Variants in PC observed in about 807,000 individuals in gnomAD.
PC encodes the protein pyruvate carboxylase, mitochondrial.
PC carries 46 observed loss-of-function variants against 107.8 expected under a neutral mutation model. That is an observed-to-expected ratio of 0.43 (90% CI 0.34 to 0.55). The LOEUF (loss-of-function observed/expected upper bound fraction) is 0.55, where lower values mean the gene tolerates loss of function less well. PC is among the 20% of genes least tolerant of loss of function. The pLI is 0.04. For missense variants in PC, 1,241 were observed against 1,643.1 expected, an observed-to-expected ratio of 0.76 and a Z score of 4.23; for synonymous variants, 662 against 684.7, an observed-to-expected ratio of 0.97 and a Z score of 0.52.
chr11:66,924,203 G>GAAAAA (rs538266818), intron 3 of PC, among the ~76,000 whole-genome samples: 3 of 82,958 alleles, frequency 3.6e-5, no homozygotes, highest in African/African-American at 9.1e-5. Flanking sequence ...CTCTATCTCA[G>GAAAAA]AAAAAAAAAA....
intron 3 of PC, among the ~76,000 whole-genome samples, chr11:66,901,171 T>C (rs1296668316): frequency 2.6e-5 from 4 of 152,164 alleles, no homozygotes; most frequent in African/African-American, 9.7e-5. Context: ...GGCTACCTGG[T>C]TGGCGGCCTC....
intron 3 of PC, among the ~76,000 whole-genome samples, chr11:66,947,099 A>G (rs1949317024): frequency 6.6e-6 from 1 of 152,136 alleles, no homozygotes; most frequent in African/African-American, 2.4e-5. Context: ...TTAAACATAC[A>G]TACAGCTACC....
At chr11:66,855,408 T>C (rs1403409381) in intron 12 of PC, among the ~76,000 whole-genome samples, 1 of 152,176 alleles carries the variant, frequency 6.6e-6, no homozygotes, top group Non-Finnish European at 1.5e-5. Context: ...TGTGGCTCCC[T>C]GGTTAATGCG....
At position 66,849,247 on chromosome 11, in the gene PC, C is replaced by T. The variant is rs777830995; in HGVS notation, c.3271G>A (p.Asp1091Asn). ...GACAATACCTTCATGGCCTGGGTGT[C>T]CTTGACCAAGATGGACCGCAGCTGC... ...NGQLRSILVKDTQAMKEMHFH... is the reference protein window; with the variant it reads ...NGQLRSILVKNTQAMKEMHFH... Residue 1091 changes from aspartate to asparagine, a missense_variant, in exon 22 of 23, where the codon GAC becomes AAC. Physicochemically the swap from Asp to Asn is conservative, Grantham distance 23 (BLOSUM62 1). Transcript: ENST00000393960. 6.2e-7 allele frequency: 1 copy of T among 1,613,736 alleles called. No individual in the cohort carries two copies. Among genetic ancestry groups the T allele is most frequent in the Non-Finnish European group, 8.5e-7 (1 of 1,180,036 alleles).
At chr11:66,855,077 C>G (rs1182193833) in intron 12 of PC, among the ~76,000 whole-genome samples, 6 of 152,262 alleles carry the variant, frequency 3.9e-5, no homozygotes, top group African/African-American at 1.4e-4. Flanking sequence ...GAGCGCAGAC[C>G]CACACTGTTG....
At position 66,851,881 on chromosome 11, in the gene PC, G is replaced by T; in HGVS notation, c.1891C>A (p.Arg631=). 1 of 1,614,032 alleles carries T rather than the reference G, an allele frequency of 6.2e-7. No homozygotes were observed. Among genetic ancestry groups the T allele is most frequent in the Non-Finnish European group, 8.5e-7 (1 of 1,179,996 alleles). The change falls in exon 16 of 23, where the codon CGG becomes AGG. Residue 631 remains arginine (R), a synonymous_variant. Transcript: ENST00000393960. ...AAAGGGATGTTGGGGATGAGCTCCC[G>T]GAGCTCCTGCAGCCGCCGCCAGGGG... ...ECPWRRLQEL[R]ELIPNIPFQM... is the part of the protein sequence containing the mutation.
chr11:66,854,374 C>T (rs763076990), intron 12 of PC, among the ~76,000 whole-genome samples: 10 of 152,002 alleles, frequency 6.6e-5, no homozygotes, highest in Non-Finnish European at 2.9e-5. Flanking sequence ...CTGAGGAACC[C>T]GCTGTGGGCA....
intron 3 of PC, among the ~76,000 whole-genome samples, chr11:66,916,205 G>A (rs143425483): frequency 1.3e-3 from 199 of 152,312 alleles, no homozygotes; most frequent in Non-Finnish European, 2.3e-3. Context: ...GCCCACAGCT[G>A]TAGACAGCAA....
chr11:66,851,290 T>C lies in PC; in HGVS notation c.1983-10A>G, dbSNP rs2135804777. The C allele has an allele frequency of 6.3e-7, 1 of 1,599,816 alleles. No individual in the cohort carries two copies. The highest frequency in any genetic ancestry group is 1.1e-5 in the South Asian group (1 of 91,064). ...GGCCACTTCACAGAACCTGCAAGGG[T>C]GAGAGAGCCCAGGGCTGAGCCCCAC... On this transcript the variant is annotated splice_polypyrimidine_tract_variant and intron_variant, in intron 16 of 22. Transcript: ENST00000393960.
Position 66,945,631 on chromosome 11 carries a change from G to T in PC, c.-1+6799C>A. Among the ~76,000 whole-genome samples, 2 of 116,708 alleles carry T rather than the reference G, an allele frequency of 1.7e-5. 1 individual carries two copies. Among genetic ancestry groups the T allele is most frequent in the Non-Finnish European group, 3.8e-5 (2 of 52,556 alleles). The allele number at this position is 116,708 out of a possible 152,430, so 76.6% of individuals were successfully genotyped here. A position where few individuals can be genotyped will look rare whatever the true frequency, so the allele number is the denominator to read the frequency against. ...TTAATTATAAAGAAAATGTCATCCAGTTGAGAAAGAAAGGCCAAAAGTTAA... is the reference window on the plus strand; with the variant it reads ...TTAATTATAAAGAAAATGTCATCCATTTGAGAAAGAAAGGCCAAAAGTTAA... On this transcript the variant is annotated intron_variant, in intron 3 of 22. Coordinates refer to ENST00000393960, the MANE Select transcript of PC (RefSeq NM_001040716.2).
chr11:66,871,629 C>T lies in PC; in HGVS notation c.321+58G>A, dbSNP rs566770610. The T allele has an allele frequency of 4.7e-4, 740 of 1,559,780 alleles. 1 individual carries two copies. The highest frequency in any genetic ancestry group is 4.4e-4 in the Non-Finnish European group (502 of 1,148,302). ...GCACGCCAGCCTCAAGAGACCCCCG[C>T]GGCAACTAAGACTCCCTGGTCCCTG... On this transcript the variant is annotated intron_variant, in intron 5 of 22. Transcript: ENST00000393960. The surrounding 1 kb of genome is among the most constrained non-coding windows in gnomAD (Gnocchi z 7.4).
At chr11:66,946,893 G>C (rs1949310522) in intron 3 of PC, among the ~76,000 whole-genome samples, 1 of 152,126 alleles carries the variant, frequency 6.6e-6, no homozygotes, top group Non-Finnish European at 1.5e-5. Context: ...CACATGACAA[G>C]ATGCTCAACA....
At chr11:66,923,022 G>A (rs1948630415) in intron 3 of PC, among the ~76,000 whole-genome samples, 1 of 152,208 alleles carries the variant, frequency 6.6e-6, no homozygotes, top group Non-Finnish European at 1.5e-5. Context: ...GGCGTGCTGA[G>A]CAATGATGGC....
At chr11:66,883,511 G>A (rs975378314) in intron 3 of PC, among the ~76,000 whole-genome samples, 1 of 152,084 alleles carries the variant, frequency 6.6e-6, no homozygotes, top group African/African-American at 2.4e-5. Context: ...CCTTGTCTGT[G>A]CCCCACCCAT....
intron 3 of PC, among the ~76,000 whole-genome samples, chr11:66,920,351 C>T (rs1466612616): frequency 1.3e-5 from 2 of 152,130 alleles, no homozygotes; most frequent in Non-Finnish European, 2.9e-5. Flanking sequence ...CTTCTTTTTC[C>T]TGCCACAAGC....
chr11:66,873,520 A>ATAT (rs1301865032), intron 3 of PC, among the ~76,000 whole-genome samples: 8 of 1,814 alleles, frequency 4.4e-3, no homozygotes, highest in East Asian at 0.071. Flanking sequence ...ATATTATATT[A>ATAT]TATATTATAA....
chr11:66,922,027 G>GA (rs944257033), intron 3 of PC, among the ~76,000 whole-genome samples: 2 of 152,124 alleles, frequency 1.3e-5, no homozygotes, highest in Non-Finnish European at 2.9e-5. Context: ...CTGTGCTTGT[G>GA]AATGAGGGTA....
Position 66,848,582 on chromosome 11 carries a change from C to A in PC, c.*317G>T, listed in dbSNP as rs1436838615. 3.3e-6 allele frequency: 2 copies of A among 598,214 alleles called. No homozygotes were observed. Among genetic ancestry groups the A allele is most frequent in the African/African-American group, 3.7e-5 (2 of 53,808 alleles). The allele number at this position is 598,214 out of a possible 1,614,324, so 37.1% of individuals were successfully genotyped here. On this transcript the variant is annotated 3_prime_UTR_variant, in exon 23 of 23. Coordinates refer to ENST00000393960, the MANE Select transcript of PC (RefSeq NM_001040716.2). ...TCCCAGGACCTGGGACATCTTAGAT[C>A]TCCCCTTCCCCCAGGAGATAGGACC...
chr11:66,928,555 C>T (rs1403509823), intron 3 of PC, among the ~76,000 whole-genome samples: 3 of 151,928 alleles, frequency 2.0e-5, no homozygotes, highest in African/African-American at 4.8e-5. Flanking sequence ...GACAGAGTCT[C>T]GCTCTTGTTG....
Sources: gnomAD v4.1 joint callset for allele counts (sites outside exome capture counted in the v4.1 genomes callset) on GRCh38, gnomAD v4.1.1 for gene constraint, Gnocchi (gnomAD v3.1) non-coding constraint, MANE v1.5 for transcripts, NCBI Gene and HGNC (gene_info 2026-07-23, HGNC 2026-07-21) for gene names.